Variants in PPHLN1 observed in about 807,000 individuals in gnomAD.
PPHLN1 encodes periphilin-1.
Under a neutral mutation model 51.3 loss-of-function variants are expected in PPHLN1, and 29 were observed. That is an observed-to-expected ratio of 0.57 (90% CI 0.42 to 0.77). The LOEUF (loss-of-function observed/expected upper bound fraction) is 0.77. Among genes scored for constraint, PPHLN1 ranks in the 30% least tolerant of loss-of-function variants. The probability of loss-of-function intolerance (pLI) is 0.00; values close to 1 mark genes in which losing one functional copy is unlikely to be tolerated. For missense variants in PPHLN1, 436 were observed against 438.4 expected (o/e 0.99, Z 0.05); for synonymous variants, 147 against 147.8 (o/e 0.99, Z 0.04).
At chr12:42,368,406 A>G (rs1042836618) in intron 4 of PPHLN1, among the ~76,000 whole-genome samples, 2 of 152,220 alleles carry the variant, frequency 1.3e-5, no homozygotes, top group African/African-American at 4.8e-5. Context: ...ATGTAAGGTT[A>G]AAAATGAGAT....
At chr12:42,431,975 C>A in intron 9 of PPHLN1, 1 of 1,477,174 alleles carries the variant, frequency 6.8e-7, no homozygotes, top group Non-Finnish European at 9.5e-7. Flanking sequence ...TCAGTGTCTG[C>A]AGTCTGATCT....
At chr12:42,345,826 A>G (rs2072233816) in intron 2 of PPHLN1, among the ~76,000 whole-genome samples, 1 of 151,970 alleles carries the variant, frequency 6.6e-6, no homozygotes, top group Admixed American at 6.5e-5. Flanking sequence ...TAGTCTTTAC[A>G]AGTCATAATT....
chr12:42,378,998 T>C (rs191222452), intron 5 of PPHLN1, among the ~76,000 whole-genome samples: 1 of 147,844 alleles, frequency 6.8e-6, no homozygotes, highest in Non-Finnish European at 1.5e-5. Flanking sequence ...TTATGATACT[T>C]TCCTAGGTAA....
chr12:42,327,406 G>A (rs773367529), intron 1 of PPHLN1, among the ~76,000 whole-genome samples: 7 of 152,172 alleles, frequency 4.6e-5, no homozygotes, highest in Non-Finnish European at 5.9e-5. Flanking sequence ...TAAAGGTTGG[G>A]CATGGCTGTA....
At chr12:42,436,205 T>C (rs1222890006) in intron 9 of PPHLN1, among the ~76,000 whole-genome samples, 1 of 152,238 alleles carries the variant, frequency 6.6e-6, no homozygotes, top group Non-Finnish European at 1.5e-5. Context: ...TCACTGTCTC[T>C]TGATTCTTAA....
At chr12:42,371,167 C>T (rs1330477514) in intron 4 of PPHLN1, among the ~76,000 whole-genome samples, 2 of 124,424 alleles carry the variant, frequency 1.6e-5, no homozygotes, top group African/African-American at 3.1e-5. Context: ...GTCACATACA[C>T]TGGAGTGCAG....
At chr12:42,426,251 A>T (rs1224748805) in intron 9 of PPHLN1, among the ~76,000 whole-genome samples, 2 of 145,408 alleles carry the variant, frequency 1.4e-5, no homozygotes, top group Non-Finnish European at 3.0e-5. Flanking sequence ...GTCTCATGGC[A>T]GTTAGGAATC....
rs141154467 is a variant in PPHLN1, at chr12:42,355,401, GT to G, written c.299+181del. 7.7e-3 allele frequency: 4,003 copies of G among 518,228 alleles called. 132 individuals are homozygous for G. Among genetic ancestry groups the G allele is most frequent in the African/African-American group, 0.072 (3,669 of 51,220 alleles). The allele number at this position is 518,228 out of a possible 1,614,324, so 32.1% of individuals were successfully genotyped here. On this transcript the variant is annotated intron_variant, in intron 4 of 9. Transcript: ENST00000358314. The stretch of plus-strand genomic sequence containing the variant: ...TAGTATAATAGCACTGATAACTAGT[GT>G]TCCACATCTCTTGGCATTTTGTAAC...
At chr12:42,344,541 G>A (rs1253699626) in intron 2 of PPHLN1, among the ~76,000 whole-genome samples, 2 of 151,942 alleles carry the variant, frequency 1.3e-5, no homozygotes, top group African/African-American at 4.8e-5. Context: ...TGGGGGGGAT[G>A]GGCTTAATAC....
At chr12:42,335,312 C>T (rs752778401) in intron 1 of PPHLN1, among the ~76,000 whole-genome samples, 1 of 151,580 alleles carries the variant, frequency 6.6e-6, no homozygotes, top group East Asian at 1.9e-4. Context: ...AAATTTATAG[C>T]GTTAAAAAAA....
rs1469468424 is a variant in PPHLN1, at chr12:42,366,085, A to T, written c.300-8778A>T. Among the ~76,000 whole-genome samples, 6 of 152,240 alleles carry T rather than the reference A, an allele frequency of 3.9e-5. No homozygotes were observed. The South Asian group carries it at 8.3e-4, about 21-fold the overall frequency. On this transcript the variant is annotated intron_variant, in intron 4 of 9. Transcript: ENST00000358314. ...TAAAAATATGTCCAGACTTTAATAT[A>T]CTGTTTCTCTATTTAGCATGCTTCA...
At chr12:42,415,008 G>A (rs921217787) in intron 9 of PPHLN1, among the ~76,000 whole-genome samples, 4 of 152,082 alleles carry the variant, frequency 2.6e-5, no homozygotes, top group Admixed American at 1.3e-4. Context: ...ACTCTTACTC[G>A]TGGTAGCAGG....
In PPHLN1 at chr12:42,423,877, A is replaced by T. The variant is rs983416450; in HGVS notation, c.910-17438A>T. On this transcript the variant is annotated intron_variant, in intron 9 of 9. Transcript: ENST00000358314. ...TTTTTAGTAGAGATAGGGTTTTACC[A>T]TGTTGGCCAGGCTGGTCTCAAACTC... is the stretch of plus-strand genomic sequence containing the variant. Among the ~76,000 whole-genome samples the T allele has an allele frequency of 3.9e-5, 6 of 152,234 alleles. No individual in the cohort carries two copies. In the East Asian group the frequency reaches 9.7e-4, roughly 25 times the overall value.
Position 42,398,860 on chromosome 12 carries a change from T to C in PPHLN1, c.775T>C (p.Ser259Pro), listed in dbSNP as rs1318286652. ...TTTCTAATTCCTTTTCAAGGCGGGA[T>C]CCACAGCACCATTGTTTACTGACCA... ...LPEISEYEAGSTAPLFTDQPE... is the reference protein window; with the variant it reads ...LPEISEYEAGPTAPLFTDQPE... The change falls in exon 9 of 10, where the codon TCC becomes CCC. Residue 259 changes from serine (S) to proline (P), a missense_variant. Ser to Pro is a moderately conservative substitution (Grantham distance 74, BLOSUM62 -1). Transcript: ENST00000358314. 6.2e-7 allele frequency: 1 copy of C among 1,612,198 alleles called. No individual in the cohort carries two copies. The highest frequency in any genetic ancestry group is 1.3e-5 in the African/African-American group (1 of 74,958).
At chr12:42,446,089 G>A (rs377014779), downstream of PPHLN1, 29 of 1,551,386 alleles carry the variant, frequency 1.9e-5, no homozygotes, top group South Asian at 2.4e-5. Flanking sequence ...CGCAGGCCCC[G>A]CAGCCCCTGC....
At chr12:42,380,439 CA>C (rs1360835815) in intron 5 of PPHLN1, among the ~76,000 whole-genome samples, 1 of 151,800 alleles carries the variant, frequency 6.6e-6, no homozygotes, top group Non-Finnish European at 1.5e-5. Context: ...TTAATTCTTT[CA>C]AAAAATACAT....
chr12:42,376,809 G>A (rs1257425753), intron 5 of PPHLN1, among the ~76,000 whole-genome samples: 1 of 151,948 alleles, frequency 6.6e-6, no homozygotes, highest in African/African-American at 2.4e-5. Flanking sequence ...AAATAAATAA[G>A]TAAATAAATA....
In PPHLN1 at chr12:42,374,959, A is replaced by G. The variant is rs758689427; in HGVS notation, c.396A>G (p.Glu132=). ...PYKRDNTFFR[E]SPVGRKDSPH... ...AAAGGGACAATACTTTTTTCAGAGA[A>G]TCACCTGTTGGCCGAAAGGATTCTC... Residue 132 remains glutamate (E), a synonymous_variant, in exon 5 of 10, where the codon GAA becomes GAG. Transcript: ENST00000358314. The G allele has an allele frequency of 6.2e-7, 1 of 1,613,898 alleles. No individual in the cohort carries two copies. The highest frequency in any genetic ancestry group is 8.5e-7 in the Non-Finnish European group (1 of 1,179,900).
intron 2 of PPHLN1, among the ~76,000 whole-genome samples, chr12:42,339,130 GC>G (rs2071114019): frequency 6.6e-6 from 1 of 152,172 alleles, no homozygotes; most frequent in Non-Finnish European, 1.5e-5. Context: ...TCTCTTAAAT[GC>G]CTAAAGGTAA....
Sources: allele counts gnomAD v4.1 joint callset (sites outside exome capture counted in the v4.1 genomes callset), GRCh38; gene constraint gnomAD v4.1.1; transcripts MANE v1.5; gene names NCBI Gene and HGNC (gene_info 2026-07-23, HGNC 2026-07-21).